The following OXR1 variants were observed in gnomAD, a reference collection of about 807,000 sequenced individuals.
The protein encoded by OXR1 is oxidation resistance 1, also known as oxidation resistance protein 1.
In OXR1, 41 loss-of-function variants were observed where a neutral mutation model predicts 104.6. The ratio of observed to expected loss-of-function variants is 0.39; its 90% CI spans 0.31 to 0.51. The LOEUF (loss-of-function observed/expected upper bound fraction) is 0.51, where lower values mean the gene tolerates loss of function less well. OXR1 is among the 20% of genes least tolerant of loss of function. The pLI is 0.77. For missense variants in OXR1, 955 were observed against 1,031.9 expected (o/e 0.93, Z 1.02); for synonymous variants, 348 against 348.4 (o/e 1.00, Z 0.01).
In OXR1 at chr8:106,432,761, CT is replaced by C. The variant is rs1819413849; in HGVS notation, c.23+73128del. ...GTCTATTCCCTCGTTAGATTATAAA[CT>C]TTGTAAGGTCAGGGACCTTCTATTA... On this transcript the variant is annotated intron_variant, in intron 2 of 16. Coordinates refer to ENST00000517566, the MANE Select transcript of OXR1 (RefSeq NM_001198533.2). Among the ~76,000 whole-genome samples, 12 of 152,192 alleles carry C rather than the reference CT, an allele frequency of 7.9e-5. No individual in the cohort carries two copies. The South Asian group carries it at 2.5e-3, about 32-fold the overall frequency.
chr8:106,696,783 A>C (rs1435941021), intron 7 of OXR1, among the ~76,000 whole-genome samples: 1 of 152,040 alleles, frequency 6.6e-6, no homozygotes, highest in East Asian at 1.9e-4. Context: ...CATCTTCCTC[A>C]AGCCCCAGAC....
intron 2 of OXR1, among the ~76,000 whole-genome samples, chr8:106,480,894 A>C (rs1822075638): frequency 6.6e-6 from 1 of 152,048 alleles, no homozygotes; most frequent in Admixed American, 6.6e-5. Flanking sequence ...GAAGAGAATG[A>C]TTGAATACTT....
chr8:106,290,304 A>C (rs1436021396), intron 1 of OXR1, among the ~76,000 whole-genome samples: 1 of 152,176 alleles, frequency 6.6e-6, no homozygotes, highest in African/African-American at 2.4e-5. Context: ...AATTAACTCA[A>C]GTTGGATTAA....
intron 2 of OXR1, among the ~76,000 whole-genome samples, chr8:106,477,595 C>T (rs1821876567): frequency 2.6e-5 from 4 of 151,814 alleles, no homozygotes; most frequent in Admixed American, 2.0e-4. Flanking sequence ...AGTATCTAAA[C>T]ATATTTTATG....
chr8:106,689,493 C>T lies in OXR1; in HGVS notation c.526-3235C>T, dbSNP rs116595380. On this transcript the variant is annotated intron_variant, in intron 6 of 16. Transcript: ENST00000517566. ...TTTAACATTATCATTTTGGGGGAGA[C>T]AGTCAAACCATAACATTGCCTCATA... is the stretch of plus-strand genomic sequence containing the variant. Among the ~76,000 whole-genome samples, 261 of 152,060 alleles carry T rather than the reference C, an allele frequency of 1.7e-3. 1 individual carries two copies. The highest frequency in any genetic ancestry group is 6.0e-3 in the African/African-American group (248 of 41,492).
chr8:106,481,489 A>G (rs866948793), intron 2 of OXR1, among the ~76,000 whole-genome samples: 2 of 152,176 alleles, frequency 1.3e-5, no homozygotes, highest in Middle Eastern at 3.4e-3. Context: ...TAATAGCTCC[A>G]GTAAGAACAT....
chr8:106,714,979 C>A (rs1251291021), intron 11 of OXR1, among the ~76,000 whole-genome samples: 1 of 151,992 alleles, frequency 6.6e-6, no homozygotes, highest in Non-Finnish European at 1.5e-5. Flanking sequence ...AAGAACATAT[C>A]GACCATGTAT....
At chr8:106,667,059 A>C (rs770399906) in intron 3 of OXR1, among the ~76,000 whole-genome samples, 9 of 152,214 alleles carry the variant, frequency 5.9e-5, no homozygotes, top group African/African-American at 2.2e-4. Context: ...TATACAAGGC[A>C]GATATAAAAC....
chr8:106,301,132 C>T (rs1813221738), intron 1 of OXR1, among the ~76,000 whole-genome samples: 1 of 152,140 alleles, frequency 6.6e-6, no homozygotes, highest in African/African-American at 2.4e-5. Flanking sequence ...GGGGGCATAA[C>T]TGTAAAATTG....
At chr8:106,700,029 T>G (rs568950550) in intron 7 of OXR1, among the ~76,000 whole-genome samples, 2 of 152,300 alleles carry the variant, frequency 1.3e-5, no homozygotes, top group Admixed American at 1.3e-4. Context: ...ATTTTTCTTT[T>G]GCAGATAGAC....
At chr8:106,534,327 T>C (rs1223314515) in intron 3 of OXR1, among the ~76,000 whole-genome samples, 1 of 152,216 alleles carries the variant, frequency 6.6e-6, no homozygotes, top group South Asian at 2.1e-4. Flanking sequence ...CAAGAATCTA[T>C]TTATCTTAAC....
At chr8:106,577,011 C>T (rs78867013) in intron 3 of OXR1, among the ~76,000 whole-genome samples, 6,711 of 152,030 alleles carry the variant, frequency 0.044, 212 homozygotes, top group Non-Finnish European at 0.07. Context: ...ACCTTTACTT[C>T]GAAGAATTTA....
chr8:106,423,907 C>A (rs185973396), intron 2 of OXR1, among the ~76,000 whole-genome samples: 9 of 152,070 alleles, frequency 5.9e-5, no homozygotes, highest in African/African-American at 2.2e-4. Context: ...ATAGAATAAT[C>A]ATTTCTTTCC....
chr8:106,688,498 T>G (rs1011390919), intron 6 of OXR1, among the ~76,000 whole-genome samples: 2 of 152,098 alleles, frequency 1.3e-5, no homozygotes, highest in African/African-American at 4.8e-5. Context: ...AAGTATAAAA[T>G]AGCAATAGAA....
intron 2 of OXR1, among the ~76,000 whole-genome samples, chr8:106,419,342 G>T (rs2130530712): frequency 6.6e-6 from 1 of 152,248 alleles, no homozygotes; most frequent in South Asian, 2.1e-4. Context: ...TACAAATAAA[G>T]AACTTTGAAG....
intron 2 of OXR1, among the ~76,000 whole-genome samples, chr8:106,432,043 A>G (rs6469072): frequency 0.056 from 8,514 of 152,236 alleles, 851 homozygotes; most frequent in African/African-American, 0.19. Flanking sequence ...TGCTTTTACT[A>G]CATATAATTT....
chr8:106,740,498 A>G lies in OXR1; in HGVS notation c.2316+3A>G, dbSNP rs1834827556. Reference sequence around the variant, plus strand: ...TGATTAAAGACAGTGATGGACAGGTATGAAACACCAACTGCATAGATTGCT... The same window carrying G: ...TGATTAAAGACAGTGATGGACAGGTGTGAAACACCAACTGCATAGATTGCT... On this transcript the variant is annotated splice_donor_region_variant and intron_variant, in intron 14 of 16. Coordinates refer to ENST00000517566, the MANE Select transcript of OXR1 (RefSeq NM_001198533.2). The G allele has an allele frequency of 6.2e-7, 1 of 1,606,944 alleles. No individual in the cohort carries two copies.
At chr8:106,533,739 A>ATTTTTTT in intron 3 of OXR1, among the ~76,000 whole-genome samples, 1 of 122,462 alleles carries the variant, frequency 8.2e-6, no homozygotes, top group Non-Finnish European at 1.7e-5. Flanking sequence ...TTGGAGATGG[A>ATTTTTTT]TTTTCTCTCT....
chr8:106,377,136 A>G (rs1165210235), intron 2 of OXR1, among the ~76,000 whole-genome samples: 2 of 152,172 alleles, frequency 1.3e-5, no homozygotes, highest in African/African-American at 4.8e-5. Flanking sequence ...AATAGTTCAA[A>G]CTATAGGTTA....
Sources: allele counts gnomAD v4.1 joint callset (sites outside exome capture counted in the v4.1 genomes callset), GRCh38; gene constraint gnomAD v4.1.1; transcripts MANE v1.5; gene names NCBI Gene and HGNC (gene_info 2026-07-23, HGNC 2026-07-21).